Variants in RGPD8 observed in about 807,000 individuals in gnomAD.
The protein encoded by RGPD8 is RANBP2-like and GRIP domain-containing protein 8.
A neutral mutation model predicts 89.1 loss-of-function variants in RGPD8; 15 were observed. The ratio of observed to expected loss-of-function variants is 0.17; its 90% confidence interval spans 0.11 to 0.26. The LOEUF is 0.26. RGPD8 is among the 10% of genes least tolerant of loss of function. RGPD8 has a pLI of 1.00. For synonymous variants in RGPD8, 62 were observed against 420.9 expected, an observed-to-expected ratio of 0.15 and a Z score of 10.44; for missense variants, 178 against 1,179.6, an observed-to-expected ratio of 0.15 and a Z score of 12.44.
At chr2:112,419,313 CCTTT>C (rs1679481420) in intron 4 of RGPD8, among the ~76,000 whole-genome samples, 1 of 107,212 alleles carries the variant, frequency 9.3e-6, no homozygotes, top group Non-Finnish European at 1.9e-5. Flanking sequence ...TCCCCTCTCT[CCTTT>C]ATCAATTTCT....
chr2:112,404,867 GAAAAAAA>G (rs1227179322), intron 8 of RGPD8, among the ~76,000 whole-genome samples: 5 of 77,784 alleles, frequency 6.4e-5, no homozygotes, highest in South Asian at 4.8e-4. Context: ...ACTGTCTCAG[GAAAAAAA>G]AAAAAAAAAA....
rs748147856 is a variant in RGPD8, at chr2:112,389,980, C to A, written c.2965G>T (p.Asp989Tyr). ...SGEGFQFGKK[D>Y]LNFKGFSGAG... ...CCTGAAAATCCCTTGAAATTGAGGT[C>A]TTTTTTGCCAAACTGAAATCCTTCT... Residue 989 changes from aspartate to tyrosine, a missense_variant, in exon 20 of 23, where the codon GAC becomes TAC. Asp to Tyr is a radical substitution (Grantham distance 160, BLOSUM62 -3). Coordinates refer to ENST00000302558, the MANE Select transcript of RGPD8 (RefSeq NM_001164463.1). The A allele has an allele frequency of 1.3e-6, 2 of 1,560,100 alleles. No homozygotes were observed. Among genetic ancestry groups the A allele is most frequent in the Non-Finnish European group, 1.7e-6 (2 of 1,152,590 alleles).
rs142954582 is a variant in RGPD8, at chr2:112,371,897, T to C, written c.5264-1685A>G. 6.9e-3 allele frequency among the ~76,000 whole-genome samples: 1,046 copies of C among 151,154 alleles called. 44 individuals are homozygous for C. The highest frequency in any genetic ancestry group is 0.024 in the African/African-American group (993 of 40,730). On this transcript the variant is annotated intron_variant, in intron 22 of 22. Transcript: ENST00000302558. Reference sequence around the variant, plus strand: ...TGGGGAAACTTTCTAGAGTTACAAGTCATTTTATTTTTCTGTTCTGTCTGG... The same window carrying C: ...TGGGGAAACTTTCTAGAGTTACAAGCCATTTTATTTTTCTGTTCTGTCTGG...
rs928896381 is a variant in RGPD8 at position 112,432,663 on chromosome 2, G to A, written c.72+719C>T. ...TCCAGGACATGGGAAGAAACCCGCC[G>A]ATACAGCACCCGGGTGCCCAAGCCC... On this transcript the variant is annotated intron_variant, in intron 1 of 22. Transcript: ENST00000302558. The A allele has an allele frequency of 2.0e-4, 194 of 985,202 alleles. 1 individual carries two copies. Among genetic ancestry groups the A allele is most frequent in the Non-Finnish European group, 7.5e-5 (62 of 829,900 alleles). The allele number at this position is 985,202 out of a possible 1,614,324, so 61.0% of individuals were successfully genotyped here. A position where few individuals can be genotyped will look rare whatever the true frequency, so the allele number is the denominator to read the frequency against.
intron 1 of RGPD8, among the ~76,000 whole-genome samples, chr2:112,429,142 CG>C (rs1481810245): frequency 2.0e-5 from 3 of 151,674 alleles, no homozygotes; most frequent in Non-Finnish European, 4.4e-5. Flanking sequence ...AAAATGGGGC[CG>C]GGCGCGGTGG....
chr2:112,402,558 G>C (rs1216481455), intron 9 of RGPD8, among the ~76,000 whole-genome samples: 16 of 134,188 alleles, frequency 1.2e-4, no homozygotes, highest in South Asian at 9.7e-4. Context: ...GAAGCATGAA[G>C]AGGTATAATC....
intron 6 of RGPD8, 39 bp downstream of exon 6, chr2:112,417,154 G>A (rs1301047600): frequency 3.7e-6 from 6 of 1,607,940 alleles, no homozygotes; most frequent in Middle Eastern, 2.3e-4. Flanking sequence ...AAGAAAAACT[G>A]CAATTTATAC....
intron 21 of RGPD8, among the ~76,000 whole-genome samples, chr2:112,380,356 G>A (rs371352623): frequency 8.0e-6 from 1 of 124,446 alleles, no homozygotes; most frequent in East Asian, 2.3e-4. Flanking sequence ...TGTAATAGGT[G>A]TAAAAGAAGT....
chr2:112,387,870 CTTA>C (rs1259568943), intron 20 of RGPD8, among the ~76,000 whole-genome samples, 151 bp downstream of exon 20: 1 of 144,656 alleles, frequency 6.9e-6, no homozygotes, highest in Non-Finnish European at 1.5e-5. Context: ...TCACCGAGAA[CTTA>C]TTAAGGGAGA....
chr2:112,429,297 T>C (rs1679913046), intron 1 of RGPD8, among the ~76,000 whole-genome samples: 1 of 146,332 alleles, frequency 6.8e-6, no homozygotes, highest in African/African-American at 2.5e-5. Context: ...GGCGGGTGCC[T>C]GTAGTCCCAG....
In RGPD8 at chr2:112,390,045, C is replaced by T. The variant is rs555764794; in HGVS notation, c.2900G>A (p.Ser967Asn). ...GRGVIFGQTS[S>N]TFTFADVAKS... ...TGCAACATCTGCAAATGTAAAAGTG[C>T]TACTTGTTTGGCCAAAAATCACACC... Residue 967 changes from serine to asparagine, a missense_variant, in exon 20 of 23, where the codon AGC becomes AAC. By Grantham distance (46) the Ser-to-Asn change is conservative. Transcript: ENST00000302558. 3.3e-5 allele frequency: 52 copies of T among 1,578,792 alleles called. 3 individuals carry two copies. In the Middle Eastern group the frequency reaches 9.2e-4, roughly 28 times the overall value.
chr2:112,423,529 T>A (rs1207576902), intron 2 of RGPD8, among the ~76,000 whole-genome samples: 1 of 117,948 alleles, frequency 8.5e-6, no homozygotes, highest in African/African-American at 3.4e-5. Flanking sequence ...GTGACACCTG[T>A]CTCTACCAAA....
chr2:112,371,840 C>T (rs1437650398), intron 22 of RGPD8, among the ~76,000 whole-genome samples: 4 of 148,938 alleles, frequency 2.7e-5, no homozygotes, highest in Non-Finnish European at 5.9e-5. Flanking sequence ...ACAGTTTGAC[C>T]TTAGGCAGAG....
At chr2:112,432,333 A>C (rs1425601106) in intron 1 of RGPD8, among the ~76,000 whole-genome samples, 1 of 147,654 alleles carries the variant, frequency 6.8e-6, no homozygotes, top group Non-Finnish European at 1.5e-5. Context: ...GAACTTTAGA[A>C]TTTTTTTTTT....
intron 1 of RGPD8, among the ~76,000 whole-genome samples, chr2:112,429,993 G>C (rs1266806494): frequency 6.6e-6 from 1 of 152,108 alleles, no homozygotes; most frequent in Non-Finnish European, 1.5e-5. Context: ...TTTTAATAGA[G>C]ACAGATTTTC....
chr2:112,390,260 T>G lies in RGPD8; in HGVS notation c.2698-13A>C. On this transcript the variant is annotated splice_polypyrimidine_tract_variant and intron_variant, in intron 19 of 22. Transcript: ENST00000302558. Reference sequence around the variant, plus strand: ...TATTAGAAGAACCCTGAAACATAAATGAAGGTGAATTTTCTTGATCCACAT... The same window carrying G: ...TATTAGAAGAACCCTGAAACATAAAGGAAGGTGAATTTTCTTGATCCACAT... The G allele has an allele frequency of 6.6e-7, 1 of 1,516,390 alleles. No homozygotes were observed. Among genetic ancestry groups the G allele is most frequent in the Non-Finnish European group, 8.9e-7 (1 of 1,117,426 alleles). The allele number at this position is 1,516,390 out of a possible 1,614,324, so 93.9% of individuals were successfully genotyped here.
chr2:112,429,873 TCTCTG>T (rs897308936), intron 1 of RGPD8, among the ~76,000 whole-genome samples: 23 of 152,086 alleles, frequency 1.5e-4, no homozygotes, highest in Non-Finnish European at 2.8e-4. Flanking sequence ...AGTGGCGCAA[TCTCTG>T]CTCACCACAA....
intron 7 of RGPD8, among the ~76,000 whole-genome samples, chr2:112,411,010 G>A (rs182775976): frequency 7.4e-4 from 112 of 152,000 alleles, no homozygotes; most frequent in African/African-American, 2.3e-3. Context: ...GCTTGAACCC[G>A]GGAGGCAGAG....
At position 112,409,841 on chromosome 2, in the gene RGPD8, G is replaced by A. The variant is rs1391967724; in HGVS notation, c.978+2590C>T. Reference sequence around the variant, plus strand: ...ATCAAAAAATTTTAGGCTGTGCGCAGCAGCTCACACCTATAATCCCAGCAC... The same window carrying A: ...ATCAAAAAATTTTAGGCTGTGCGCAACAGCTCACACCTATAATCCCAGCAC... On this transcript the variant is annotated intron_variant, in intron 7 of 22. Transcript: ENST00000302558. Among the ~76,000 whole-genome samples, 8 of 140,418 alleles carry A rather than the reference G, an allele frequency of 5.7e-5. 1 individual carries two copies. The highest frequency in any genetic ancestry group is 1.4e-4 in the Admixed American group (2 of 14,408). 92.1% of individuals were successfully genotyped at this position (140,418 alleles called of 152,430 possible).
Sources: gnomAD v4.1 joint callset for allele counts (sites outside exome capture counted in the v4.1 genomes callset) on GRCh38, gnomAD v4.1.1 for gene constraint, MANE v1.5 for transcripts, NCBI Gene and HGNC (gene_info 2026-07-23, HGNC 2026-07-21) for gene names.